The following MTCL3 variants were observed in gnomAD, a reference collection of about 807,000 sequenced individuals.
The protein encoded by MTCL3 is microtubule cross-linking factor 3.
At chr6:127,480,138 A>T in the MTCL3 span, among the ~76,000 whole-genome samples, 1 of 152,192 alleles carries the variant, frequency 6.6e-6, no homozygotes, top group African/African-American at 2.4e-5. Flanking sequence ...AAGGCCAGTA[A>T]GAAATGAGCT....
At chr6:127,485,713 A>T in the MTCL3 span, among the ~76,000 whole-genome samples, 4 of 152,180 alleles carry the variant, frequency 2.6e-5, 1 homozygote, top group South Asian at 8.3e-4. Flanking sequence ...ACATGTGACT[A>T]AGAAATATTG....
At chr6:127,481,998 G>A in the MTCL3 span, among the ~76,000 whole-genome samples, 2 of 152,194 alleles carry the variant, frequency 1.3e-5, no homozygotes, top group African/African-American at 4.8e-5. Context: ...GTTTACAAAT[G>A]CCATGACAAC....
the MTCL3 span, among the ~76,000 whole-genome samples, chr6:127,476,985 C>G: frequency 1.3e-3 from 196 of 152,196 alleles, no homozygotes; most frequent in Admixed American, 3.7e-3. The surrounding 1 kb of genome is among the most constrained non-coding windows in gnomAD (Gnocchi z 4.4). Context: ...AGTAACCGTT[C>G]GAAGGTTACA....
chr6:127,518,346 C>A, the MTCL3 span, among the ~76,000 whole-genome samples: 1 of 152,208 alleles, frequency 6.6e-6, no homozygotes, highest in Non-Finnish European at 1.5e-5. Context: ...TTAACCCAGG[C>A]GAAAGCTTGT....
chr6:127,473,081 T>A, the MTCL3 span: 4 of 1,135,832 alleles, frequency 3.5e-6, no homozygotes, highest in Non-Finnish European at 4.3e-6. Flanking sequence ...CTTTCTTACC[T>A]GAAATATTTT....
chr6:127,476,072 C>T, the MTCL3 span: 1 of 1,613,758 alleles, frequency 6.2e-7, no homozygotes, highest in Middle Eastern at 1.6e-4. This position sits in a 1 kb window ranked among gnomAD's most constrained non-coding sequence, Gnocchi z 4.4. Context: ...TCGTCTTCCA[C>T]CAGCTGCAGG....
At chr6:127,475,512 G>A in the MTCL3 span, 1 of 1,613,376 alleles carries the variant, frequency 6.2e-7, no homozygotes, top group Admixed American at 1.7e-5. The surrounding 1 kb of genome is among the most constrained non-coding windows in gnomAD (Gnocchi z 7.3). Flanking sequence ...CGGTGATGAT[G>A]GTGCTCGTGT....
chr6:127,478,340 G>A, the MTCL3 span, among the ~76,000 whole-genome samples: 1 of 152,158 alleles, frequency 6.6e-6, no homozygotes, highest in African/African-American at 2.4e-5. Context: ...GGATAAAGTT[G>A]GTTCTGCCTG....
At chr6:127,514,551 CTTCTCATCACCTCT>C in the MTCL3 span, among the ~76,000 whole-genome samples, 1 of 152,232 alleles carries the variant, frequency 6.6e-6, no homozygotes. Context: ...AGGGAGCCTT[CTTCTCATCACCTCT>C]TGAAGAGCCA....
the MTCL3 span, chr6:127,475,473 G>A: frequency 6.2e-7 from 1 of 1,613,522 alleles, no homozygotes; most frequent in Non-Finnish European, 8.5e-7. This position sits in a 1 kb window ranked among gnomAD's most constrained non-coding sequence, Gnocchi z 7.3. Context: ...GTCCGAACAG[G>A]TCCCCGTTGG....
chr6:127,491,718 T>C, the MTCL3 span, among the ~76,000 whole-genome samples: 8 of 151,656 alleles, frequency 5.3e-5, no homozygotes, highest in Admixed American at 5.3e-4. Flanking sequence ...AAAAATTTTT[T>C]AAAAGTTAGC....
the MTCL3 span, chr6:127,475,503 G>A: frequency 1.9e-6 from 3 of 1,613,432 alleles, no homozygotes; most frequent in African/African-American, 1.3e-5. This position sits in a 1 kb window ranked among gnomAD's most constrained non-coding sequence, Gnocchi z 7.3. Context: ...TGCGCGCCTC[G>A]GTGATGATGG....
the MTCL3 span, chr6:127,517,840 T>C: frequency 6.6e-6 from 1 of 152,184 alleles, no homozygotes; most frequent in Non-Finnish European, 1.5e-5. Flanking sequence ...TTAGTTGCCT[T>C]TTCCTTAAAA....
the MTCL3 span, chr6:127,516,348 C>G: frequency 1.9e-6 from 3 of 1,596,556 alleles, no homozygotes; most frequent in Non-Finnish European, 2.5e-6. Context: ...CGGGCGGCCC[C>G]GTGCGGCTCC....
At chr6:127,498,074 A>G in the MTCL3 span, among the ~76,000 whole-genome samples, 1 of 152,188 alleles carries the variant, frequency 6.6e-6, no homozygotes, top group Non-Finnish European at 1.5e-5. Context: ...AACATAAGTG[A>G]TGAAACAAAA....
chr6:127,498,161 C>T, the MTCL3 span, among the ~76,000 whole-genome samples: 3 of 151,960 alleles, frequency 2.0e-5, no homozygotes, highest in African/African-American at 7.2e-5. Flanking sequence ...AAAAGACAAG[C>T]CTAAGAAGAA....
the MTCL3 span, chr6:127,512,876 T>C: frequency 6.2e-7 from 1 of 1,603,530 alleles, no homozygotes; most frequent in South Asian, 1.1e-5. Flanking sequence ...CACCATGAAA[T>C]AATCAAATAC....
chr6:127,497,256 C>T, the MTCL3 span, among the ~76,000 whole-genome samples: 3 of 152,092 alleles, frequency 2.0e-5, no homozygotes, highest in Non-Finnish European at 4.4e-5. Context: ...ATATTTTCCC[C>T]AGTACATGCA....
chr6:127,512,108 A>T, the MTCL3 span, among the ~76,000 whole-genome samples: 2 of 152,308 alleles, frequency 1.3e-5, no homozygotes, highest in East Asian at 3.9e-4. Flanking sequence ...TTTATCTTAA[A>T]GCTAATCATT....
Sources: allele counts gnomAD v4.1 joint callset (sites outside exome capture counted in the v4.1 genomes callset), GRCh38; gene constraint gnomAD v4.1.1; non-coding constraint Gnocchi (gnomAD v3.1); transcripts MANE v1.5; gene names NCBI Gene and HGNC (gene_info 2026-07-23, HGNC 2026-07-21).